ENTREP2: variants seen among roughly 807,000 people sequenced by gnomAD.
ENTREP2 encodes endosomal transmembrane epsin interactor 2.
the ENTREP2 span, among the ~76,000 whole-genome samples, chr15:29,448,150 CCTTT>C: frequency 6.6e-5 from 10 of 152,120 alleles, no homozygotes; most frequent in African/African-American, 2.2e-4. Context: ...AGATCTTTCT[CCTTT>C]CTAATTAATG....
the ENTREP2 span, among the ~76,000 whole-genome samples, chr15:29,408,572 G>T: frequency 2.6e-3 from 403 of 152,284 alleles, 10 homozygotes; most frequent in Admixed American, 0.024. Flanking sequence ...AATAACTCCT[G>T]TATCATTTTG....
the ENTREP2 span, among the ~76,000 whole-genome samples, chr15:29,484,097 C>T: frequency 3.0e-4 from 46 of 151,962 alleles, no homozygotes; most frequent in Non-Finnish European, 4.4e-4. Flanking sequence ...TCAGAAGGAA[C>T]CAAAAATTTT....
At chr15:29,478,980 G>A in the ENTREP2 span, among the ~76,000 whole-genome samples, 1 of 148,616 alleles carries the variant, frequency 6.7e-6, no homozygotes, top group African/African-American at 2.5e-5. Context: ...GGATCACGAG[G>A]TCAGGAGATC....
chr15:29,381,648 T>G, the ENTREP2 span: 4 of 747,348 alleles, frequency 5.4e-6, no homozygotes, highest in Admixed American at 7.5e-5. Context: ...AGTGAGATTT[T>G]ATCAAGCTCT....
chr15:29,414,134 C>A, the ENTREP2 span, among the ~76,000 whole-genome samples: 1 of 152,166 alleles, frequency 6.6e-6, no homozygotes, highest in Admixed American at 6.5e-5. Flanking sequence ...GGACTCAGCT[C>A]TGCACCAAGC....
chr15:29,622,930 G>A, the ENTREP2 span, among the ~76,000 whole-genome samples: 1 of 152,302 alleles, frequency 6.6e-6, no homozygotes. Context: ...GAACTCTGAA[G>A]CTGAGAACTT....
At chr15:29,599,602 G>A in the ENTREP2 span, among the ~76,000 whole-genome samples, 1 of 152,206 alleles carries the variant, frequency 6.6e-6, no homozygotes. Flanking sequence ...TGTGGAAACT[G>A]GTCATAACAA....
the ENTREP2 span, among the ~76,000 whole-genome samples, chr15:29,145,677 C>A: frequency 2.0e-5 from 3 of 149,162 alleles, no homozygotes; most frequent in African/African-American, 7.4e-5. Context: ...AAGGGAACTT[C>A]CTGAATCTGA....
the ENTREP2 span, among the ~76,000 whole-genome samples, chr15:29,430,857 AG>A: frequency 4.6e-5 from 7 of 152,164 alleles, no homozygotes; most frequent in Non-Finnish European, 7.4e-5. Context: ...AAGGAGAGAG[AG>A]GCAGTGTCCA....
the ENTREP2 span, among the ~76,000 whole-genome samples, chr15:29,118,885 G>A: frequency 1.3e-5 from 2 of 152,206 alleles, no homozygotes; most frequent in South Asian, 2.1e-4. Context: ...GTTCAGAGGC[G>A]GTGGCCTGGG....
the ENTREP2 span, among the ~76,000 whole-genome samples, chr15:29,670,911 C>T: frequency 6.6e-5 from 10 of 152,294 alleles, no homozygotes; most frequent in South Asian, 2.1e-4. Context: ...TTTTTGTGTA[C>T]TAATGAGATG....
At chr15:29,662,102 TG>T in the ENTREP2 span, among the ~76,000 whole-genome samples, 4 of 146,390 alleles carry the variant, frequency 2.7e-5, no homozygotes, top group African/African-American at 7.6e-5. Context: ...TCCCTGCTAC[TG>T]GGGAGGCTGA....
chr15:29,443,096 G>A, the ENTREP2 span, among the ~76,000 whole-genome samples: 2 of 152,214 alleles, frequency 1.3e-5, no homozygotes, highest in Non-Finnish European at 2.9e-5. Context: ...GCACCTGTGA[G>A]GTCCTCAGGT....
At chr15:29,440,418 T>C in the ENTREP2 span, among the ~76,000 whole-genome samples, 1 of 152,210 alleles carries the variant, frequency 6.6e-6, no homozygotes, top group African/African-American at 2.4e-5. Flanking sequence ...CATAGAATAG[T>C]ATGCATTGAT....
chr15:29,579,686 A>ATTTTTTGTTT, the ENTREP2 span, among the ~76,000 whole-genome samples: 1 of 55,816 alleles, frequency 1.8e-5, no homozygotes, highest in African/African-American at 9.2e-5. Context: ...CACCCAGCTA[A>ATTTTTTGTTT]TTTTTTTTTT....
the ENTREP2 span, chr15:29,234,605 G>C: frequency 6.5e-7 from 1 of 1,531,788 alleles, no homozygotes; most frequent in Non-Finnish European, 9.0e-7. Flanking sequence ...ATCTTCTTTT[G>C]TGCAGCTAGT....
At chr15:29,126,165 A>C in the ENTREP2 span, 11 of 950,888 alleles carry the variant, frequency 1.2e-5, no homozygotes, top group Non-Finnish European at 1.7e-5. Flanking sequence ...CCCAGACAGG[A>C]TCTGCAGGGC....
chr15:29,505,397 G>A, the ENTREP2 span, among the ~76,000 whole-genome samples: 4 of 152,330 alleles, frequency 2.6e-5, no homozygotes, highest in Admixed American at 6.5e-5. The surrounding 1 kb of genome is among the most constrained non-coding windows in gnomAD (Gnocchi z 4.3). Flanking sequence ...CACAGTGCTC[G>A]AGCTCTGCTA....
At chr15:29,351,941 T>C in the ENTREP2 span, among the ~76,000 whole-genome samples, 1 of 151,064 alleles carries the variant, frequency 6.6e-6, no homozygotes, top group African/African-American at 2.4e-5. Flanking sequence ...GTCCAACTAA[T>C]TTTACTTTCT....
Sources: gnomAD v4.1 joint callset for allele counts (sites outside exome capture counted in the v4.1 genomes callset) on GRCh38, gnomAD v4.1.1 for gene constraint, Gnocchi (gnomAD v3.1) non-coding constraint, MANE v1.5 for transcripts, NCBI Gene and HGNC (gene_info 2026-07-23, HGNC 2026-07-21) for gene names.